HIP1: variants seen among roughly 807,000 people sequenced by gnomAD.
HIP1 encodes huntingtin interacting protein 1.
In HIP1, 65 loss-of-function variants were observed where a neutral mutation model predicts 147.6. That is an observed-to-expected ratio of 0.44 (90% confidence interval 0.36 to 0.54). HIP1 has a LOEUF of 0.54. Ranked by LOEUF, HIP1 falls within the 20% of genes least tolerant of loss-of-function variation. The pLI, the probability that HIP1 is intolerant of heterozygous loss-of-function variation, is 0.00. For synonymous variants in HIP1, 479 were observed against 504.0 expected (o/e 0.95, Z 0.67); for missense variants, 1,061 against 1,299.6 (o/e 0.82, Z 2.82).
chr7:75,688,743 C>G (rs539911257), intron 1 of HIP1, among the ~76,000 whole-genome samples: 2 of 152,298 alleles, frequency 1.3e-5, no homozygotes, highest in South Asian at 2.1e-4. Context: ...GCTCTGCCCC[C>G]CAACAGCCAG....
chr7:75,573,516 G>A (rs1469039896), intron 8 of HIP1, among the ~76,000 whole-genome samples: 3 of 152,152 alleles, frequency 2.0e-5, no homozygotes, highest in East Asian at 1.9e-4. Flanking sequence ...GCCAGAAAAC[G>A]GACACCCCAA....
At chr7:75,571,985 G>A (rs947446997) in intron 8 of HIP1, among the ~76,000 whole-genome samples, 7 of 152,082 alleles carry the variant, frequency 4.6e-5, no homozygotes, top group African/African-American at 7.2e-5. Flanking sequence ...TGAGGTGGGC[G>A]GATCACTTGA....
At position 75,586,646 on chromosome 7, in the gene HIP1, C is replaced by T; in HGVS notation, c.465+107G>A. The T allele has an allele frequency of 4.1e-6, 3 of 739,740 alleles. No homozygotes were observed. In the South Asian group the frequency reaches 4.5e-5, roughly 11 times the overall value. 45.8% of individuals were successfully genotyped at this position (739,740 alleles called of 1,614,324 possible). ...ATGATGTGCACACTTCCTCAGAAGC[C>T]TGGGCTGTCTATTACCTGAAAGAGC... On this transcript the variant is annotated intron_variant, in intron 5 of 30. Coordinates refer to ENST00000336926, the MANE Select transcript of HIP1 (RefSeq NM_005338.7).
At chr7:75,541,397 G>A (rs1321343660) in intron 29 of HIP1, among the ~76,000 whole-genome samples, 3 of 152,066 alleles carry the variant, frequency 2.0e-5, no homozygotes, top group African/African-American at 7.2e-5. Flanking sequence ...AGGCATGGTG[G>A]TGGGCGCCTG....
chr7:75,538,520 C>T (rs1554489189), intron 30 of HIP1, among the ~76,000 whole-genome samples: 1 of 148,570 alleles, frequency 6.7e-6, no homozygotes, highest in South Asian at 2.1e-4. Flanking sequence ...TCTGGGCTGG[C>T]AGCCTGAATG....
At chr7:75,702,397 C>T (rs868946266) in intron 1 of HIP1, among the ~76,000 whole-genome samples, 3 of 151,658 alleles carry the variant, frequency 2.0e-5, no homozygotes, top group South Asian at 2.1e-4. Context: ...CGTGAGCCAC[C>T]GCACCCGGCC....
chr7:75,599,114 G>C, intron 2 of HIP1, 70 bp downstream of exon 2: 1 of 1,176,826 alleles, frequency 8.5e-7, no homozygotes, highest in Non-Finnish European at 1.3e-6. Flanking sequence ...AGGCAGCCTG[G>C]CCCTGACCTC....
At chr7:75,559,699 C>CGGGGGGGGGGGG in intron 14 of HIP1, 33 bp downstream of exon 14, 1 of 1,226,538 alleles carries the variant, frequency 8.2e-7, no homozygotes, top group South Asian at 1.3e-5. Flanking sequence ...CGCCTGCCCC[C>CGGGGGGGGGGGG]GGGGCCCGCC....
chr7:75,554,039 C>T, intron 21 of HIP1, 74 bp downstream of exon 21: 1 of 1,137,966 alleles, frequency 8.8e-7, no homozygotes, highest in African/African-American at 1.5e-5. Context: ...GCCACTGCGC[C>T]CGGCCCAACA....
At chr7:75,659,276 C>T (rs1280598436) in intron 1 of HIP1, among the ~76,000 whole-genome samples, 1 of 152,202 alleles carries the variant, frequency 6.6e-6, no homozygotes, top group Non-Finnish European at 1.5e-5. Context: ...AGCTCCTTCC[C>T]AGCTCAGTAA....
chr7:75,638,616 C>G (rs986899320), intron 1 of HIP1, among the ~76,000 whole-genome samples: 1 of 152,060 alleles, frequency 6.6e-6, no homozygotes, highest in African/African-American at 2.4e-5. Flanking sequence ...CACTGTCCTC[C>G]CAGCGCCACC....
intron 24 of HIP1, 45 bp downstream of exon 24, chr7:75,547,710 G>A (rs782062901): frequency 3.3e-6 from 5 of 1,522,458 alleles, no homozygotes; most frequent in Non-Finnish European, 4.6e-6. Flanking sequence ...ATGTCAGGAA[G>A]ACAGATCCTG....
At chr7:75,542,350 T>C (rs1554490066) in intron 28 of HIP1, among the ~76,000 whole-genome samples, 1 of 144,414 alleles carries the variant, frequency 6.9e-6, no homozygotes, top group Non-Finnish European at 1.5e-5. Context: ...GAGCCAAGAT[T>C]GCGCCATTGC....
chr7:75,692,138 C>T (rs1229526547), intron 1 of HIP1, among the ~76,000 whole-genome samples: 1 of 152,132 alleles, frequency 6.6e-6, no homozygotes, highest in African/African-American at 2.4e-5. Flanking sequence ...TCCGTTGTCT[C>T]CCCCCGTCCC....
intron 7 of HIP1, 81 bp from the exon 8 acceptor site, chr7:75,573,982 C>A: frequency 8.1e-7 from 1 of 1,228,128 alleles, no homozygotes; most frequent in Admixed American, 2.0e-5. Context: ...AGGCAGGGGT[C>A]CAACATACAC....
chr7:75,728,473 T>C (rs78842785), intron 1 of HIP1, among the ~76,000 whole-genome samples: 22,344 of 152,260 alleles, frequency 0.15, 1,825 homozygotes, highest in Middle Eastern at 0.22. Flanking sequence ...GAGAGCTGGC[T>C]GCCAGCCCAC....
At chr7:75,549,986 A>G (rs587726237) in intron 22 of HIP1, among the ~76,000 whole-genome samples, 8 of 152,162 alleles carry the variant, frequency 5.3e-5, no homozygotes, top group African/African-American at 1.9e-4. Context: ...TTTCAAATAC[A>G]GATGATATCT....
chr7:75,646,378 C>T (rs539585318), intron 1 of HIP1, among the ~76,000 whole-genome samples: 3 of 152,352 alleles, frequency 2.0e-5, no homozygotes, highest in South Asian at 4.1e-4. Flanking sequence ...TGAGCCACCT[C>T]GCCTGGCCAC....
intron 9 of HIP1, among the ~76,000 whole-genome samples, chr7:75,565,803 C>T (rs1212454229): frequency 2.0e-5 from 3 of 151,254 alleles, no homozygotes; most frequent in Non-Finnish European, 4.4e-5. Flanking sequence ...ATGATCTCAG[C>T]TCATTGCAAC....
Sources: allele counts gnomAD v4.1 joint callset (sites outside exome capture counted in the v4.1 genomes callset), GRCh38; gene constraint gnomAD v4.1.1; transcripts MANE v1.5; gene names NCBI Gene and HGNC (gene_info 2026-07-23, HGNC 2026-07-21).